The following CDH12 variants were observed in gnomAD, a reference collection of about 807,000 sequenced individuals.
CDH12 encodes cadherin 12.
Under a neutral mutation model 74.1 loss-of-function variants are expected in CDH12, and 41 were observed. The ratio of observed to expected loss-of-function variants is 0.55; its 90% confidence interval spans 0.43 to 0.72. The LOEUF (loss-of-function observed/expected upper bound fraction) is 0.72. Ranked by LOEUF, CDH12 falls within the 30% of genes least tolerant of loss-of-function variation. The pLI, the probability that CDH12 is intolerant of heterozygous loss-of-function variation, is 0.00. For synonymous variants in CDH12, 399 were observed against 355.0 expected (o/e 1.12, Z -1.39); for missense variants, 945 against 977.2 (o/e 0.97, Z 0.44).
chr5:22,660,930 G>A (rs1740315223), intron 1 of CDH12, among the ~76,000 whole-genome samples: 1 of 151,946 alleles, frequency 6.6e-6, no homozygotes, highest in African/African-American at 2.4e-5. Context: ...CTTTTTCAGG[G>A]TGAGAACAAA....
chr5:22,817,109 T>A (rs541620480), intron 1 of CDH12, among the ~76,000 whole-genome samples: 47 of 152,240 alleles, frequency 3.1e-4, no homozygotes, highest in Non-Finnish European at 4.3e-4. Flanking sequence ...CTAGTCGTAA[T>A]ATTTCTGTTC....
chr5:22,350,944 A>G (rs1580552116), intron 3 of CDH12, among the ~76,000 whole-genome samples: 1 of 152,212 alleles, frequency 6.6e-6, no homozygotes, highest in African/African-American at 2.4e-5. Flanking sequence ...TCTAGAGACT[A>G]ATACATGTAG....
At chr5:21,833,770 T>G (rs531017507) in intron 8 of CDH12, among the ~76,000 whole-genome samples, 9 of 151,930 alleles carry the variant, frequency 5.9e-5, no homozygotes, top group Non-Finnish European at 1.2e-4. Flanking sequence ...TTTAGATTTC[T>G]TAGGTCCAAG....
At chr5:22,827,993 G>A (rs987184719) in intron 1 of CDH12, among the ~76,000 whole-genome samples, 1 of 152,068 alleles carries the variant, frequency 6.6e-6, no homozygotes, top group African/African-American at 2.4e-5. Flanking sequence ...AATAATATGG[G>A]CATTTGTTCT....
rs778735454 is a variant in CDH12, at chr5:22,441,659, ATTG to A, written c.-427-36311_-427-36309del. 9.9e-5 allele frequency among the ~76,000 whole-genome samples: 15 copies of A among 152,162 alleles called. No individual in the cohort carries two copies. In the East Asian group the frequency reaches 2.7e-3, roughly 27 times the overall value. ...TTCGTTTACTACAAGGATACACATA[ATTG>A]TTAGTAAACACACAAAAATAGATAT... On this transcript the variant is annotated intron_variant, in intron 2 of 14. Transcript: ENST00000382254.
chr5:22,691,178 A>G (rs1408995414), intron 1 of CDH12, among the ~76,000 whole-genome samples: 2 of 152,348 alleles, frequency 1.3e-5, no homozygotes, highest in East Asian at 3.9e-4. Context: ...GCAGAAATAT[A>G]AAACTATACA....
At chr5:21,765,792 T>C (rs1744990767) in intron 11 of CDH12, among the ~76,000 whole-genome samples, 1 of 152,102 alleles carries the variant, frequency 6.6e-6, no homozygotes, top group Non-Finnish European at 1.5e-5. Flanking sequence ...GTCCCACCTA[T>C]GGATTATTAT....
At chr5:21,964,571 TAAAATAAAATAA>T (rs1756500413) in intron 6 of CDH12, among the ~76,000 whole-genome samples, 1 of 151,798 alleles carries the variant, frequency 6.6e-6, no homozygotes, top group African/African-American at 2.4e-5. Context: ...ATTGTAAAAA[TAAAATAAAATAA>T]AAAATAAAAA....
At chr5:22,234,429 T>C (rs1365757359) in intron 3 of CDH12, among the ~76,000 whole-genome samples, 5 of 152,164 alleles carry the variant, frequency 3.3e-5, no homozygotes, top group African/African-American at 1.2e-4. Flanking sequence ...TTTCTGCTTT[T>C]GTTTCTTTCT....
chr5:22,769,103 A>G (rs879294589), intron 1 of CDH12, among the ~76,000 whole-genome samples: 22 of 152,100 alleles, frequency 1.4e-4, no homozygotes, highest in Non-Finnish European at 2.5e-4. Context: ...GGTTACTAAG[A>G]GGTGTCAACT....
intron 1 of CDH12, among the ~76,000 whole-genome samples, chr5:22,756,889 G>A (rs1745948742): frequency 6.6e-6 from 1 of 151,898 alleles, no homozygotes; most frequent in Non-Finnish European, 1.5e-5. Flanking sequence ...AACCCGGGAG[G>A]CGGAGGTTGC....
chr5:22,562,352 AC>A (rs767709068), intron 1 of CDH12, among the ~76,000 whole-genome samples: 135 of 152,236 alleles, frequency 8.9e-4, no homozygotes, highest in Admixed American at 2.4e-3. Context: ...ACAAAAAAAA[AC>A]ATACATAGAG....
At chr5:21,832,952 T>C (rs1749151336) in intron 8 of CDH12, among the ~76,000 whole-genome samples, 1 of 94,874 alleles carries the variant, frequency 1.1e-5, no homozygotes, top group Non-Finnish European at 1.9e-5. Flanking sequence ...AATATCATAT[T>C]ATGTAATATG....
chr5:22,813,116 G>A (rs1024221982), intron 1 of CDH12, among the ~76,000 whole-genome samples: 4 of 151,996 alleles, frequency 2.6e-5, no homozygotes, highest in Admixed American at 2.0e-4. Flanking sequence ...AAGATCTCAC[G>A]ACCTACTGAA....
At chr5:22,219,758 G>T (rs1751946317) in intron 3 of CDH12, among the ~76,000 whole-genome samples, 1 of 151,670 alleles carries the variant, frequency 6.6e-6, no homozygotes, top group Admixed American at 6.6e-5. Context: ...GAGCAATTAT[G>T]AATCCTTGGG....
At chr5:22,833,036 G>A (rs1032730732) in intron 1 of CDH12, among the ~76,000 whole-genome samples, 1 of 152,126 alleles carries the variant, frequency 6.6e-6, no homozygotes, top group Admixed American at 6.6e-5. Flanking sequence ...TCTACAGCCA[G>A]TGATGAATTT....
At chr5:22,201,947 G>C (rs1282366402) in intron 4 of CDH12, among the ~76,000 whole-genome samples, 1 of 152,152 alleles carries the variant, frequency 6.6e-6, no homozygotes, top group African/African-American at 2.4e-5. Context: ...ATGTTAATTG[G>C]ATCTGTGGGA....
chr5:21,882,551 C>T (rs555637111), intron 6 of CDH12: 1 of 1,241,056 alleles, frequency 8.1e-7, no homozygotes, highest in African/African-American at 1.5e-5. Flanking sequence ...GACAACCTGT[C>T]TCGCCGCGCG....
chr5:22,020,780 C>T (rs1265968950), intron 5 of CDH12, among the ~76,000 whole-genome samples: 2 of 152,220 alleles, frequency 1.3e-5, no homozygotes, highest in East Asian at 3.9e-4. Flanking sequence ...ATGTCAATTA[C>T]CACCTAAAGA....
Sources: allele counts gnomAD v4.1 joint callset (sites outside exome capture counted in the v4.1 genomes callset), GRCh38; gene constraint gnomAD v4.1.1; transcripts MANE v1.5; gene names NCBI Gene and HGNC (gene_info 2026-07-23, HGNC 2026-07-21).